The following IQGAP2 variants were observed in gnomAD, a reference collection of about 807,000 sequenced individuals.
The protein encoded by IQGAP2 is ras GTPase-activating-like protein IQGAP2.
A neutral mutation model predicts 201.3 loss-of-function variants in IQGAP2; 173 were observed. The ratio of observed to expected loss-of-function variants is 0.86; its 90% CI spans 0.76 to 0.98. The LOEUF (loss-of-function observed/expected upper bound fraction) is 0.98. Ranked by LOEUF, IQGAP2 falls within the 50% of genes least tolerant of loss-of-function variation. The pLI is 0.00. For synonymous variants in IQGAP2, 675 were observed against 673.9 expected (o/e 1.00, Z -0.03); for missense variants, 1,687 against 1,864.8 (o/e 0.90, Z 1.76).
At chr5:76,561,854 A>C (rs1006827110) in intron 2 of IQGAP2, among the ~76,000 whole-genome samples, 13 of 152,330 alleles carry the variant, frequency 8.5e-5, no homozygotes, top group African/African-American at 2.9e-4. Context: ...TATTGGAAAA[A>C]GGAGTCTGTG....
At chr5:76,522,182 A>ATTT (rs11400963) in intron 2 of IQGAP2, among the ~76,000 whole-genome samples, 9 of 144,684 alleles carry the variant, frequency 6.2e-5, no homozygotes, top group South Asian at 2.2e-4. Context: ...TATCCCTAGA[A>ATTT]TTTTTTTTTT....
chr5:76,460,391 C>T (rs116510097), intron 1 of IQGAP2, among the ~76,000 whole-genome samples: 87 of 152,156 alleles, frequency 5.7e-4, no homozygotes, highest in African/African-American at 2.0e-3. Context: ...TGTGGGCTTC[C>T]TGGATGTGGG....
At chr5:76,418,790 G>A (rs184799372) in intron 1 of IQGAP2, among the ~76,000 whole-genome samples, 3 of 152,216 alleles carry the variant, frequency 2.0e-5, no homozygotes, top group Admixed American at 2.0e-4. Context: ...TCTTTATAAA[G>A]CTTATGGCTT....
rs139146599 is a variant in IQGAP2, at chr5:76,491,730, T to A, written c.146+30061T>A. Among the ~76,000 whole-genome samples, 37 of 152,336 alleles carry A rather than the reference T, an allele frequency of 2.4e-4. No homozygotes were observed. The East Asian group carries it at 6.9e-3, about 29-fold the overall frequency. On this transcript the variant is annotated intron_variant, in intron 2 of 35. Transcript: ENST00000274364. ...TGTTGGTTGTTCAGTCCTCTTTTTCTCTTCTCTCACATACCTACCACCCTC... is the reference window on the plus strand; with the variant it reads ...TGTTGGTTGTTCAGTCCTCTTTTTCACTTCTCTCACATACCTACCACCCTC...
At chr5:76,498,687 T>C (rs1401203822) in intron 2 of IQGAP2, among the ~76,000 whole-genome samples, 1 of 152,244 alleles carries the variant, frequency 6.6e-6, no homozygotes, top group African/African-American at 2.4e-5. Context: ...AAATGGCAGC[T>C]ACTGATGTGG....
chr5:76,466,543 C>T (rs528357779), intron 2 of IQGAP2, among the ~76,000 whole-genome samples: 55 of 152,148 alleles, frequency 3.6e-4, no homozygotes, highest in Admixed American at 1.1e-3. Context: ...AGAAATAAAC[C>T]CTAACACTTC....
intron 2 of IQGAP2, chr5:76,510,594 T>C: frequency 2.0e-6 from 1 of 494,168 alleles, no homozygotes; most frequent in South Asian, 1.5e-5. Context: ...CCAGACAGTG[T>C]GCCATCGATG....
intron 1 of IQGAP2, among the ~76,000 whole-genome samples, chr5:76,439,662 T>TA (rs1452191435): frequency 6.6e-6 from 1 of 152,198 alleles, no homozygotes; most frequent in African/African-American, 2.4e-5. Context: ...GATATAAGAA[T>TA]AGCTACTCTT....
Position 76,504,934 on chromosome 5 carries a change from C to G in IQGAP2, c.146+43265C>G, listed in dbSNP as rs550874546. 3.9e-4 allele frequency among the ~76,000 whole-genome samples: 59 copies of G among 152,110 alleles called. 1 individual carries two copies. Among genetic ancestry groups the G allele is most frequent in the Admixed American group, 9.8e-4 (15 of 15,268 alleles). Reference sequence around the variant, plus strand: ...CCCTCTCTGCCCTGCTTAGGTGGACCCTCCTCCCCTTAGAGGCCTTACACC... The same window carrying G: ...CCCTCTCTGCCCTGCTTAGGTGGACGCTCCTCCCCTTAGAGGCCTTACACC... On this transcript the variant is annotated intron_variant, in intron 2 of 35. Transcript: ENST00000274364.
rs766318836 is a variant in IQGAP2 at position 76,618,339 on chromosome 5, G to C, written c.1521+7156G>C. The C allele has an allele frequency of 5.0e-6, 8 of 1,614,150 alleles. No homozygotes were observed. The East Asian group carries it at 1.1e-4, about 22-fold the overall frequency. On this transcript the variant is annotated intron_variant, in intron 13 of 35. Coordinates refer to ENST00000274364, the MANE Select transcript of IQGAP2 (RefSeq NM_006633.5). ...GAATACAGTGGTACAGATGGATCTG[G>C]TCCTGAAGAAAAGCATCCACAGGGT...
chr5:76,524,523 C>T (rs1349928841), intron 2 of IQGAP2, among the ~76,000 whole-genome samples: 1 of 152,162 alleles, frequency 6.6e-6, no homozygotes, highest in African/African-American at 2.4e-5. Context: ...GCAGTGTTGG[C>T]TGTTCAAGCC....
chr5:76,571,337 G>C (rs1324487550), intron 4 of IQGAP2, among the ~76,000 whole-genome samples: 3 of 151,894 alleles, frequency 2.0e-5, no homozygotes, highest in Non-Finnish European at 4.4e-5. Context: ...CCCATGCCCA[G>C]CTAATTTTTG....
At chr5:76,554,786 C>T (rs1227842534) in intron 2 of IQGAP2, among the ~76,000 whole-genome samples, 1 of 152,052 alleles carries the variant, frequency 6.6e-6, no homozygotes, top group Non-Finnish European at 1.5e-5. Flanking sequence ...ACCATATGAC[C>T]CAGCAATTCT....
intron 2 of IQGAP2, among the ~76,000 whole-genome samples, chr5:76,537,985 G>C (rs1361538359): frequency 1.3e-5 from 2 of 151,956 alleles, no homozygotes; most frequent in Non-Finnish European, 2.9e-5. Context: ...GAGTGTAGAG[G>C]AGGGGTGTAT....
chr5:76,654,252 T>G lies in IQGAP2; in HGVS notation c.2231T>G (p.Leu744Arg). 1 of 1,609,360 alleles carries G rather than the reference T, an allele frequency of 6.2e-7. No homozygotes were observed. The highest frequency in any genetic ancestry group is 8.5e-7 in the Non-Finnish European group (1 of 1,176,958). The change falls in exon 19 of 36, where the codon CTA (leucine) becomes CGA (arginine). Residue 744 changes from leucine to arginine, a missense_variant. Leu to Arg is a moderately radical substitution (Grantham distance 102). Coordinates refer to ENST00000274364, the MANE Select transcript of IQGAP2 (RefSeq NM_006633.5). ...GCAAGAAAGAGCTATCTTTCAAGAC[T>G]ACAGTATTTCAGAGATCATGTAAGA... Reference protein sequence around the residue: ...ATARKSYLSRLQYFRDHNNEI... With the variant: ...ATARKSYLSRRQYFRDHNNEI...
At chr5:76,416,394 G>A (rs1376253057) in intron 1 of IQGAP2, among the ~76,000 whole-genome samples, 2 of 152,218 alleles carry the variant, frequency 1.3e-5, no homozygotes, top group Admixed American at 1.3e-4. Flanking sequence ...CTGTAAAATG[G>A]AGGTAGCCAT....
At chr5:76,585,175 T>A (rs552224177) in intron 5 of IQGAP2, among the ~76,000 whole-genome samples, 1 of 152,230 alleles carries the variant, frequency 6.6e-6, no homozygotes, top group Non-Finnish European at 1.5e-5. Flanking sequence ...GGATAATAGA[T>A]ACCAATTAGT....
chr5:76,674,044 T>G lies in IQGAP2; in HGVS notation c.3294+8T>G, dbSNP rs1456572760. 3 of 1,542,402 alleles carry G rather than the reference T, an allele frequency of 1.9e-6. No individual in the cohort carries two copies. The highest frequency in any genetic ancestry group is 2.2e-5 in the South Asian group (2 of 89,494). On this transcript the variant is annotated splice_region_variant and intron_variant, in intron 26 of 35. Transcript: ENST00000274364. ...GAAGATGAGCTATTAAAGGTAGATT[T>G]TCAAGGGTAATCTCACCATAGCTTC...
chr5:76,495,202 GA>G (rs941726921), intron 2 of IQGAP2, among the ~76,000 whole-genome samples: 3 of 152,194 alleles, frequency 2.0e-5, no homozygotes, highest in African/African-American at 7.2e-5. Flanking sequence ...GTACAGTAAT[GA>G]AAATGGTTGA....
Sources: gnomAD v4.1 joint callset for allele counts (sites outside exome capture counted in the v4.1 genomes callset) on GRCh38, gnomAD v4.1.1 for gene constraint, MANE v1.5 for transcripts, NCBI Gene and HGNC (gene_info 2026-07-23, HGNC 2026-07-21) for gene names.